Variants in MGAT4D observed in about 807,000 individuals in gnomAD.
MGAT4D encodes the protein MGAT4 family member D, also known as alpha-1,3-mannosyl-glycoprotein 4-beta-N-acetylglucosaminyltransferase-like protein MGAT4D.
In MGAT4D, 34 loss-of-function variants were observed where a neutral mutation model predicts 15.9. The observed-to-expected ratio is 2.14, with a 90% confidence interval of 1.62 to 2.84. MGAT4D has a LOEUF of 2.84. Ranked by LOEUF, MGAT4D falls within the 30% of genes most tolerant of loss-of-function variation. MGAT4D has a pLI of 0.00. For synonymous variants in MGAT4D, 112 were observed against 48.2 expected (o/e 2.33, Z -5.49); for missense variants, 327 against 140.2 (o/e 2.33, Z -6.73).
intron 1 of MGAT4D, among the ~76,000 whole-genome samples, chr4:140,493,750 C>G (rs577890726): frequency 6.6e-6 from 1 of 152,270 alleles, no homozygotes; most frequent in Non-Finnish European, 1.5e-5. Context: ...TATGGTCAAA[C>G]TGGAAACCTG....
At chr4:140,486,640 C>T (rs886350621) in intron 1 of MGAT4D, among the ~76,000 whole-genome samples, 2 of 152,192 alleles carry the variant, frequency 1.3e-5, no homozygotes, top group South Asian at 2.1e-4. Flanking sequence ...ATGAGAGCAG[C>T]GAGAACATTT....
intron 9 of MGAT4D, among the ~76,000 whole-genome samples, chr4:140,452,855 C>G (rs1267467029): frequency 1.3e-5 from 2 of 151,952 alleles, no homozygotes; most frequent in Non-Finnish European, 2.9e-5. Context: ...TCTATATTTT[C>G]TTCCAAGAGT....
chr4:140,475,513 A>C (rs1732251141), intron 3 of MGAT4D, among the ~76,000 whole-genome samples: 1 of 152,046 alleles, frequency 6.6e-6, no homozygotes, highest in Non-Finnish European at 1.5e-5. Context: ...AATCGTAACT[A>C]TACTGGTACC....
At chr4:140,451,994 CA>C (rs34218902) in intron 9 of MGAT4D, among the ~76,000 whole-genome samples, 24,189 of 144,510 alleles carry the variant, frequency 0.17, 2,141 homozygotes, top group South Asian at 0.27. Context: ...ATAATTTTCT[CA>C]AAAAAAAAAA....
At chr4:140,470,407 G>A (rs934173986) in intron 5 of MGAT4D, among the ~76,000 whole-genome samples, 3 of 152,178 alleles carry the variant, frequency 2.0e-5, no homozygotes, top group Admixed American at 2.0e-4. Flanking sequence ...TATTTGGTGA[G>A]GAAAAATAAA....
intron 9 of MGAT4D, among the ~76,000 whole-genome samples, chr4:140,453,157 G>T (rs1257375336): frequency 2.6e-5 from 4 of 152,056 alleles, no homozygotes; most frequent in Admixed American, 2.0e-4. Flanking sequence ...CTGTAGCTTT[G>T]TAGTAAGCTT....
intron 7 of MGAT4D, among the ~76,000 whole-genome samples, 173 bp from the exon 8 acceptor site, chr4:140,459,799 C>CTTTT (rs576574327): frequency 2.1e-4 from 23 of 109,050 alleles, no homozygotes; most frequent in Non-Finnish European, 2.7e-4. Context: ...AGTTGATTTC[C>CTTTT]TTTTTTTTTT....
At chr4:140,494,811 A>T (rs953289537) in intron 1 of MGAT4D, among the ~76,000 whole-genome samples, 1 of 152,116 alleles carries the variant, frequency 6.6e-6, no homozygotes, top group African/African-American at 2.4e-5. Flanking sequence ...CCTGGATAGA[A>T]CCCATGGATG....
chr4:140,471,149 C>T (rs565863413), intron 5 of MGAT4D, among the ~76,000 whole-genome samples: 1 of 152,192 alleles, frequency 6.6e-6, no homozygotes, highest in Non-Finnish European at 1.5e-5. Flanking sequence ...ACCTTGGCCT[C>T]TCAAAGTACT....
intron 9 of MGAT4D, among the ~76,000 whole-genome samples, chr4:140,455,778 T>C (rs545983967): frequency 9.2e-5 from 14 of 152,352 alleles, no homozygotes; most frequent in Non-Finnish European, 1.5e-4. Context: ...TTTTATTATA[T>C]ATAACATCTT....
intron 1 of MGAT4D, among the ~76,000 whole-genome samples, chr4:140,495,202 T>A (rs1052028749): frequency 4.4e-4 from 67 of 152,310 alleles, no homozygotes; most frequent in African/African-American, 1.6e-3. Flanking sequence ...TTGTCTGAAA[T>A]ACTCTTCCCC....
intron 10 of MGAT4D, among the ~76,000 whole-genome samples, chr4:140,445,588 CA>C (rs1419976472): frequency 6.6e-6 from 1 of 152,150 alleles, no homozygotes; most frequent in Non-Finnish European, 1.5e-5. Context: ...GAATCTTCAT[CA>C]TATGATCTTT....
intron 10 of MGAT4D, among the ~76,000 whole-genome samples, chr4:140,450,372 T>TA (rs1164956009): frequency 1.6e-4 from 24 of 152,194 alleles, no homozygotes; most frequent in Admixed American, 1.4e-3. Context: ...AAGAGAATGG[T>TA]ATAGACCAAT....
At chr4:140,492,241 G>T (rs899719685) in intron 1 of MGAT4D, among the ~76,000 whole-genome samples, 1 of 152,104 alleles carries the variant, frequency 6.6e-6, no homozygotes. Flanking sequence ...CCACTGTGTC[G>T]GGAGAGGAGA....
At position 140,459,642 on chromosome 4, in the gene MGAT4D, CAA is replaced by C. The variant is rs1212123925; in HGVS notation, c.763-18_763-17del. Reference sequence around the variant, plus strand: ...CATCTTCTAGCTGAAAAAAAAAACCCAAAAAGACATTAATATCTTTGACGCTT... The same window carrying C: ...CATCTTCTAGCTGAAAAAAAAAACCCAAAGACATTAATATCTTTGACGCTT... On this transcript the variant is annotated splice_polypyrimidine_tract_variant and intron_variant, in intron 7 of 10. Coordinates refer to ENST00000511113, the MANE Select transcript of MGAT4D (RefSeq NM_001277353.2). The C allele has an allele frequency of 2.3e-6, 1 of 431,196 alleles. No homozygotes were observed. The highest frequency in any genetic ancestry group is 4.4e-5 in the Admixed American group (1 of 22,902). 26.7% of individuals were successfully genotyped at this position (431,196 alleles called of 1,614,324 possible). A position where few individuals can be genotyped will look rare whatever the true frequency, so the allele number is the denominator to read the frequency against.
intron 1 of MGAT4D, among the ~76,000 whole-genome samples, chr4:140,486,543 A>G (rs1733146691): frequency 6.6e-6 from 1 of 151,918 alleles, no homozygotes; most frequent in Non-Finnish European, 1.5e-5. Flanking sequence ...CCCTGTGTCC[A>G]TGTGTTCTCA....
At chr4:140,445,909 A>T (rs1300922590) in intron 10 of MGAT4D, among the ~76,000 whole-genome samples, 1 of 152,008 alleles carries the variant, frequency 6.6e-6, no homozygotes, top group Non-Finnish European at 1.5e-5. Context: ...TTGTACCAGT[A>T]CCATTGAAAG....
intron 3 of MGAT4D, among the ~76,000 whole-genome samples, chr4:140,476,697 CT>C (rs1732358372): frequency 1.3e-5 from 2 of 152,150 alleles, no homozygotes; most frequent in South Asian, 4.1e-4. Flanking sequence ...ACCTCGAAGC[CT>C]TTGCACACGC....
intron 1 of MGAT4D, among the ~76,000 whole-genome samples, chr4:140,488,076 T>A (rs896066185): frequency 6.6e-6 from 1 of 152,248 alleles, no homozygotes; most frequent in African/African-American, 2.4e-5. Flanking sequence ...TCAAGCTTTA[T>A]TGCCTTTAGC....
Sources: gnomAD v4.1 joint callset for allele counts (sites outside exome capture counted in the v4.1 genomes callset) on GRCh38, gnomAD v4.1.1 for gene constraint, MANE v1.5 for transcripts, NCBI Gene and HGNC (gene_info 2026-07-23, HGNC 2026-07-21) for gene names.